Variants in FH observed in about 807,000 individuals in gnomAD.
FH encodes the protein fumarate hydratase.
A neutral mutation model predicts 49.4 loss-of-function variants in FH; 22 were observed. That is an observed-to-expected ratio of 0.45 (90% CI 0.32 to 0.64). The LOEUF is 0.64. Among genes scored for constraint, FH ranks in the 30% least tolerant of loss-of-function variants. FH has a pLI of 0.05. For synonymous variants in FH, 208 were observed against 223.0 expected (o/e 0.93, Z 0.60); for missense variants, 526 against 641.5 (o/e 0.82, Z 1.95).
At chr1:241,519,491 C>A in intron 1 of FH, 100 bp downstream of exon 1, 3 of 1,406,908 alleles carry the variant, frequency 2.1e-6, no homozygotes, top group Non-Finnish European at 2.8e-6. Flanking sequence ...GGCCCGGACG[C>A]CCGGGGAATC....
At chr1:241,509,374 A>G (rs1465745327) in intron 4 of FH, among the ~76,000 whole-genome samples, 1 of 152,212 alleles carries the variant, frequency 6.6e-6, no homozygotes, top group Non-Finnish European at 1.5e-5. Context: ...AAGCCCTCAA[A>G]GAGACTGTAT....
chr1:241,506,065 G>A lies in FH; in HGVS notation c.842C>T (p.Thr281Ile), dbSNP rs1573881633. 1 of 1,614,006 alleles carries A rather than the reference G, an allele frequency of 6.2e-7. No individual in the cohort carries two copies. Among genetic ancestry groups the A allele is most frequent in the Non-Finnish European group, 8.5e-7 (1 of 1,179,946 alleles). Reference protein sequence around the residue: ...ELAAGGTAVGTGLNTRIGFAE... With the variant: ...ELAAGGTAVGIGLNTRIGFAE... ...AAAGCCAATTCTAGTATTTAAACCT[G>A]TACCAACAGCAGTGCCTCCAGCTGC... The change falls in exon 6 of 10, where the codon ACA becomes ATA. Residue 281 changes from threonine (T) to isoleucine (I), a missense_variant. Around this residue, in one of 2 missense-constraint regions of FH, gnomAD observed 383 missense variants for 514.0 expected, o/e 0.75. Transcript: ENST00000366560.
chr1:241,499,278 CT>C (rs1659707858), intron 9 of FH, among the ~76,000 whole-genome samples: 1 of 152,188 alleles, frequency 6.6e-6, no homozygotes, highest in South Asian at 2.1e-4. Flanking sequence ...TCTAACAATT[CT>C]TTTTATGTCA....
rs1232573732 is a variant in FH at position 241,517,283 on chromosome 1, T to C, written c.166A>G (p.Thr56Ala). Residue 56 changes from threonine (T) to alanine (A), a missense_variant, in exon 2 of 10, where the codon ACC (threonine) becomes GCC (alanine). This residue lies in a region of FH where 143 missense variants were observed against 127.5 expected (regional missense o/e 1.12). Transcript: ENST00000366560. Reference protein sequence around the residue: ...SQNSFRIEYDTFGELKVPNDK... With the variant: ...SQNSFRIEYDAFGELKVPNDK... ...TTTGGCACCTTTAGTTCACCAAAGG[T>C]ATCATATTCTATCCGGAAGGAATTT... is the stretch of plus-strand genomic sequence containing the variant. 1.2e-6 allele frequency: 2 copies of C among 1,614,060 alleles called. No homozygotes were observed. Among genetic ancestry groups the C allele is most frequent in the African/African-American group, 1.3e-5 (1 of 75,014 alleles).
intron 5 of FH, 104 bp from the exon 6 acceptor site, chr1:241,506,272 C>T: frequency 1.2e-6 from 1 of 852,602 alleles, no homozygotes; most frequent in Non-Finnish European, 1.8e-6. Flanking sequence ...TTTCAGAATA[C>T]TAAATTACAA....
chr1:241,499,184 G>A (rs1205757315), intron 9 of FH, among the ~76,000 whole-genome samples: 1 of 152,100 alleles, frequency 6.6e-6, no homozygotes, highest in Non-Finnish European at 1.5e-5. Flanking sequence ...TGAGAATATA[G>A]GGAACCCATG....
intron 2 of FH, among the ~76,000 whole-genome samples, chr1:241,514,856 T>C (rs1660176692): frequency 1.3e-5 from 2 of 151,998 alleles, no homozygotes; most frequent in South Asian, 2.1e-4. Flanking sequence ...CAAAAACAAA[T>C]GGGAATTTAA....
intron 3 of FH, among the ~76,000 whole-genome samples, chr1:241,513,026 A>C (rs1660130263): frequency 6.6e-6 from 1 of 151,918 alleles, no homozygotes; most frequent in African/African-American, 2.4e-5. Flanking sequence ...TTTCCTCCCT[A>C]TTTCTCATAG....
chr1:241,502,228 G>A (rs138413334), intron 8 of FH, among the ~76,000 whole-genome samples: 118 of 152,068 alleles, frequency 7.8e-4, no homozygotes, highest in African/African-American at 2.7e-3. Flanking sequence ...TTTCTTAAAC[G>A]GGCTATTAAA....
intron 8 of FH, 85 bp downstream of exon 8, chr1:241,502,358 G>A (rs367638510): frequency 6.6e-7 from 1 of 1,504,806 alleles, no homozygotes; most frequent in African/African-American, 1.4e-5. Context: ...ACCCAATGTG[G>A]AATCACTAGA....
chr1:241,499,609 T>C (rs1659715844), intron 9 of FH, among the ~76,000 whole-genome samples: 1 of 152,218 alleles, frequency 6.6e-6, no homozygotes, highest in Admixed American at 6.5e-5. Context: ...AAAATTTGCC[T>C]TGAAAGTTCA....
At chr1:241,516,914 G>A (rs1240984846) in intron 2 of FH, among the ~76,000 whole-genome samples, 1 of 151,224 alleles carries the variant, frequency 6.6e-6, no homozygotes, top group African/African-American at 2.4e-5. Context: ...GCCTCCCAAA[G>A]TTCTGGGATT....
In FH at chr1:241,504,051, T is replaced by A; in HGVS notation, c.1099A>T (p.Ile367Phe). The part of the protein sequence containing the change: ...ILPENEPGSS[I>F]MPGKVNPTQC... ...CTAGCTATGTGATTACCTGGCATGA[T>A]ACTGCTTCCTGGTTCATTTTCAGGC... Residue 367 changes from isoleucine to phenylalanine, a missense_variant, in exon 7 of 10, where the codon ATC becomes TTC. Transcript: ENST00000366560. 2 of 1,614,048 alleles carry A rather than the reference T, an allele frequency of 1.2e-6. No individual in the cohort carries two copies. Among genetic ancestry groups the A allele is most frequent in the South Asian group, 2.2e-5 (2 of 91,018 alleles).
chr1:241,508,466 T>A, intron 5 of FH, 137 bp downstream of exon 5: 1 of 722,912 alleles, frequency 1.4e-6, no homozygotes, highest in East Asian at 2.7e-5. Context: ...AATTACTGAT[T>A]GGTTGAACAG....
intron 4 of FH, among the ~76,000 whole-genome samples, chr1:241,510,215 A>C (rs1397442772): frequency 1.3e-5 from 2 of 152,226 alleles, no homozygotes; most frequent in Non-Finnish European, 2.9e-5. Flanking sequence ...ATCATTTTCC[A>C]ATAAGAATTC....
At chr1:241,516,102 G>A (rs1660203733) in intron 2 of FH, among the ~76,000 whole-genome samples, 1 of 151,952 alleles carries the variant, frequency 6.6e-6, no homozygotes, top group Admixed American at 6.6e-5. Context: ...TTAAATTAGT[G>A]GGGGAAAAAA....
intron 1 of FH, among the ~76,000 whole-genome samples, chr1:241,518,156 T>C (rs539953951): frequency 9.9e-5 from 15 of 152,258 alleles, no homozygotes; most frequent in African/African-American, 3.4e-4. Flanking sequence ...TTCTCAACAT[T>C]AGCAACAGGA....
intron 2 of FH, among the ~76,000 whole-genome samples, chr1:241,516,433 A>G (rs1316383047): frequency 6.6e-6 from 1 of 152,168 alleles, no homozygotes; most frequent in African/African-American, 2.4e-5. Flanking sequence ...GCATGTTCTC[A>G]CTTGTAAGTG....
intron 9 of FH, among the ~76,000 whole-genome samples, chr1:241,499,380 G>A (rs933553108): frequency 7.9e-5 from 12 of 152,136 alleles, no homozygotes; most frequent in African/African-American, 1.9e-4. Flanking sequence ...CTGAAGTAAA[G>A]ATCTGATGAA....
Sources: gnomAD v4.1 joint callset for allele counts (sites outside exome capture counted in the v4.1 genomes callset) on GRCh38, gnomAD v4.1.1 for gene constraint, gnomAD v4.1.1 regional missense constraint, MANE v1.5 for transcripts, NCBI Gene and HGNC (gene_info 2026-07-23, HGNC 2026-07-21) for gene names.